The following FAM50B variants were observed in gnomAD, a reference collection of about 807,000 sequenced individuals.
FAM50B encodes family with sequence similarity 50 member B.
In FAM50B, 9 loss-of-function variants were observed where a neutral mutation model predicts 25.4. That is an observed-to-expected ratio of 0.35 (90% CI 0.21 to 0.62). The LOEUF is 0.62. FAM50B is among the 20% of genes least tolerant of loss of function. The pLI is 0.73. For missense variants in FAM50B, 372 were observed against 477.9 expected (o/e 0.78, Z 2.07); for synonymous variants, 212 against 204.3 (o/e 1.04, Z -0.32).
chr6:3,833,125 G>T, the FAM50B span, among the ~76,000 whole-genome samples: 4 of 152,284 alleles, frequency 2.6e-5, no homozygotes, highest in African/African-American at 9.6e-5. Flanking sequence ...CTCTCAAAGT[G>T]CTGGGATTAC....
chr6:3,846,397 T>C (rs1044980809), upstream of FAM50B, among the ~76,000 whole-genome samples: 1 of 152,222 alleles, frequency 6.6e-6, no homozygotes, highest in African/African-American at 2.4e-5. Context: ...GTGCATAATT[T>C]CATTAAAAAT....
the FAM50B span, among the ~76,000 whole-genome samples, chr6:3,843,746 T>C: frequency 6.6e-6 from 1 of 152,350 alleles, no homozygotes; most frequent in South Asian, 2.1e-4. Context: ...TTAAACCCTT[T>C]ATTCGAAAGC....
At chr6:3,845,118 G>T (rs941742542), upstream of FAM50B, among the ~76,000 whole-genome samples, 3 of 152,202 alleles carry the variant, frequency 2.0e-5, no homozygotes, top group Non-Finnish European at 4.4e-5. Context: ...GTAGCTTTTA[G>T]TTTTGTGGGT....
At chr6:3,841,017 G>A in the FAM50B span, among the ~76,000 whole-genome samples, 5 of 152,302 alleles carry the variant, frequency 3.3e-5, no homozygotes, top group South Asian at 2.1e-4. Context: ...TATATACCAC[G>A]AAGTTGTTTC....
the FAM50B span, among the ~76,000 whole-genome samples, chr6:3,844,322 G>A: frequency 6.6e-6 from 1 of 152,026 alleles, no homozygotes; most frequent in African/African-American, 2.4e-5. Context: ...CTCCTCTGTT[G>A]TATTATTGCT....
At chr6:3,834,034 A>G in the FAM50B span, 1 of 152,180 alleles carries the variant, frequency 6.6e-6, no homozygotes, top group Non-Finnish European at 1.5e-5. Context: ...AATAGCTATG[A>G]CCCATGGGGC....
the FAM50B span, among the ~76,000 whole-genome samples, chr6:3,840,130 C>T: frequency 2.0e-5 from 3 of 152,106 alleles, no homozygotes; most frequent in African/African-American, 4.8e-5. Flanking sequence ...GTAGTTGGGA[C>T]TACAGGCGCA....
chr6:3,850,542 T>G lies in FAM50B; in HGVS notation c.731T>G (p.Leu244Arg). The G allele has an allele frequency of 6.2e-7, 1 of 1,614,058 alleles. No individual in the cohort carries two copies. Among genetic ancestry groups the G allele is most frequent in the East Asian group, 2.2e-5 (1 of 44,872 alleles). Residue 244 changes from leucine (L) to arginine (R), a missense_variant, in exon 2 of 2, where the codon CTG becomes CGG. Coordinates refer to ENST00000648326, the MANE Select transcript of FAM50B (RefSeq NM_012135.3). Reference sequence around the variant, plus strand: ...ATGTTCATCAAGGAGGACCTCATCCTGCCGCACTACCACACCTTCTACGAC... The same window carrying G: ...ATGTTCATCAAGGAGGACCTCATCCGGCCGCACTACCACACCTTCTACGAC... Reference protein sequence around the residue: ...QLMFIKEDLILPHYHTFYDFI... With the variant: ...QLMFIKEDLIRPHYHTFYDFI...
chr6:3,847,285 T>C (rs1223117453), upstream of FAM50B, among the ~76,000 whole-genome samples: 2 of 152,262 alleles, frequency 1.3e-5, no homozygotes, highest in East Asian at 3.8e-4. Flanking sequence ...GGCTATTTTG[T>C]CTACATTGAA....
chr6:3,847,820 C>G (rs1279082047), upstream of FAM50B, among the ~76,000 whole-genome samples: 1 of 152,206 alleles, frequency 6.6e-6, no homozygotes, highest in East Asian at 1.9e-4. Context: ...CACTTCTTTT[C>G]ACTTGAACAC....
chr6:3,840,218 C>T, the FAM50B span, among the ~76,000 whole-genome samples: 1 of 152,074 alleles, frequency 6.6e-6, no homozygotes, highest in Non-Finnish European at 1.5e-5. Context: ...TGGTCTCGAT[C>T]TCCTGACCTC....
chr6:3,839,864 G>A, the FAM50B span, among the ~76,000 whole-genome samples: 3 of 152,162 alleles, frequency 2.0e-5, no homozygotes, highest in Non-Finnish European at 4.4e-5. Flanking sequence ...CAAAACATAG[G>A]GCCGGGAGCG....
chr6:3,833,463 A>G, the FAM50B span, among the ~76,000 whole-genome samples: 45 of 152,194 alleles, frequency 3.0e-4, no homozygotes, highest in African/African-American at 1.1e-3. Flanking sequence ...TTCAGCACTC[A>G]GCTTCCATTT....
Position 3,850,478 on chromosome 6 carries a change from G to T in FAM50B, c.667G>T (p.Asp223Tyr). The stretch of plus-strand genomic sequence containing the variant: ...GAAGGCGCTGCAGGGGCTGCGCAAG[G>T]ACTTCCTGGAGCTGCGCTCCGCCGG... The part of the protein sequence containing the change: ...LKKALQGLRK[D>Y]FLELRSAGVE... Residue 223 changes from aspartate to tyrosine, a missense_variant, in exon 2 of 2, where the codon GAC (aspartate) becomes TAC (tyrosine). Asp to Tyr is a radical substitution (Grantham distance 160, BLOSUM62 -3). Coordinates refer to ENST00000648326, the MANE Select transcript of FAM50B (RefSeq NM_012135.3). 1 of 1,613,620 alleles carries T rather than the reference G, an allele frequency of 6.2e-7. No individual in the cohort carries two copies. Among genetic ancestry groups the T allele is most frequent in the Non-Finnish European group, 8.5e-7 (1 of 1,180,026 alleles).
chr6:3,838,573 G>A, the FAM50B span, among the ~76,000 whole-genome samples: 1 of 152,162 alleles, frequency 6.6e-6, no homozygotes, highest in Non-Finnish European at 1.5e-5. Context: ...GCCAGGCACA[G>A]TGGCTCACAC....
At chr6:3,835,568 G>A in the FAM50B span, among the ~76,000 whole-genome samples, 17 of 152,160 alleles carry the variant, frequency 1.1e-4, no homozygotes, top group African/African-American at 4.1e-4. Flanking sequence ...ACTGGAGTTT[G>A]GAGTCTCTAG....
At chr6:3,833,301 G>A in the FAM50B span, among the ~76,000 whole-genome samples, 394 of 152,218 alleles carry the variant, frequency 2.6e-3, 5 homozygotes, top group African/African-American at 8.2e-3. Context: ...TTTGAGCCTC[G>A]CTACCAACTA....
chr6:3,836,646 C>T, the FAM50B span, among the ~76,000 whole-genome samples: 1 of 152,208 alleles, frequency 6.6e-6, no homozygotes, highest in Non-Finnish European at 1.5e-5. Context: ...ACTATTACAT[C>T]TTAGGAACAG....
chr6:3,844,585 C>T (rs556848307), upstream of FAM50B, among the ~76,000 whole-genome samples: 4 of 152,174 alleles, frequency 2.6e-5, no homozygotes, highest in African/African-American at 7.2e-5. Flanking sequence ...GTGGTGGGCG[C>T]CTGTAATCCC....
Sources: allele counts gnomAD v4.1 joint callset (sites outside exome capture counted in the v4.1 genomes callset), GRCh38; gene constraint gnomAD v4.1.1; transcripts MANE v1.5; gene names NCBI Gene and HGNC (gene_info 2026-07-23, HGNC 2026-07-21).